The following RBFOX1 variants were observed in gnomAD, a reference collection of about 807,000 sequenced individuals.
RBFOX1 encodes RNA binding fox-1 homolog 1, also known as RNA binding protein fox-1 homolog 1.
In RBFOX1, 8 loss-of-function variants were observed where a neutral mutation model predicts 57.7. The ratio of observed to expected loss-of-function variants is 0.14; its 90% confidence interval spans 0.08 to 0.25. The LOEUF (loss-of-function observed/expected upper bound fraction) is 0.25, where lower values mean the gene tolerates loss of function less well. Ranked by LOEUF, RBFOX1 falls within the 10% of genes least tolerant of loss-of-function variation. The pLI is 1.00. For synonymous variants in RBFOX1, 326 were observed against 222.4 expected, an observed-to-expected ratio of 1.47 and a Z score of -4.15; for missense variants, 611 against 548.5, an observed-to-expected ratio of 1.11 and a Z score of -1.14.
At chr16:5,620,849 T>A (rs2048180224) in intron 3 of RBFOX1, among the ~76,000 whole-genome samples, 1 of 151,968 alleles carries the variant, frequency 6.6e-6, no homozygotes, top group Admixed American at 6.6e-5. Context: ...CAATTTTTAT[T>A]TGTATTTTTT....
intron 1 of RBFOX1, among the ~76,000 whole-genome samples, chr16:6,126,867 C>G (rs550553516): frequency 1.3e-5 from 2 of 152,148 alleles, no homozygotes; most frequent in Admixed American, 1.3e-4. Flanking sequence ...CTTACACTCT[C>G]CTGAGAAGCC....
intron 3 of RBFOX1, among the ~76,000 whole-genome samples, chr16:5,848,574 A>T (rs2056813483): frequency 6.6e-6 from 1 of 152,214 alleles, no homozygotes; most frequent in East Asian, 1.9e-4. Flanking sequence ...GTAACGGATG[A>T]GTAGTGATTG....
chr16:6,926,481 G>A (rs2075610569), intron 3 of RBFOX1, among the ~76,000 whole-genome samples: 1 of 152,156 alleles, frequency 6.6e-6, no homozygotes, highest in African/African-American at 2.4e-5. Flanking sequence ...TCAGTGGGTT[G>A]ATTAAGTTAA....
At chr16:6,553,868 C>T (rs745326869) in intron 2 of RBFOX1, among the ~76,000 whole-genome samples, 1 of 152,060 alleles carries the variant, frequency 6.6e-6, no homozygotes, top group East Asian at 1.9e-4. Flanking sequence ...AGTCCTTGGA[C>T]TTACCTTCCT....
At chr16:7,351,216 C>G (rs2097124718) in intron 4 of RBFOX1, among the ~76,000 whole-genome samples, 1 of 152,232 alleles carries the variant, frequency 6.6e-6, no homozygotes, top group Admixed American at 6.5e-5. Flanking sequence ...TCACTGTTAG[C>G]TGTGATCTTG....
Position 6,316,985 on chromosome 16 carries a change from T to A in RBFOX1, c.-126-10T>A. 6.8e-7 allele frequency: 1 copy of A among 1,465,898 alleles called. No individual in the cohort carries two copies. The highest frequency in any genetic ancestry group is 9.2e-7 in the Non-Finnish European group (1 of 1,092,508). The allele number at this position is 1,465,898 out of a possible 1,614,324, so 90.8% of individuals were successfully genotyped here. A position where few individuals can be genotyped will look rare whatever the true frequency, so the allele number is the denominator to read the frequency against. On this transcript the variant is annotated splice_polypyrimidine_tract_variant and intron_variant, in intron 1 of 15. Coordinates refer to ENST00000550418, the MANE Select transcript of RBFOX1 (RefSeq NM_018723.4). ...TTGATACTAAAGTCATTCCCCTTTTTCTTCTTTAGGAAACTGGTCAAAGAA... is the reference window on the plus strand; with the variant it reads ...TTGATACTAAAGTCATTCCCCTTTTACTTCTTTAGGAAACTGGTCAAAGAA...
intron 1 of RBFOX1, among the ~76,000 whole-genome samples, chr16:5,388,530 T>C (rs2066315618): frequency 6.6e-6 from 1 of 152,070 alleles, no homozygotes; most frequent in Admixed American, 6.5e-5. Context: ...GCCTGTGGTT[T>C]GCTGTGGCCA....
In RBFOX1 at chr16:6,973,669, C is replaced by G. The variant is rs147120479; in HGVS notation, c.-15-78388C>G. Among the ~76,000 whole-genome samples, 628 of 152,084 alleles carry G rather than the reference C, an allele frequency of 4.1e-3. 10 individuals are homozygous for G. Among genetic ancestry groups the G allele is most frequent in the African/African-American group, 0.015 (602 of 41,516 alleles). ...GCTGGACCATTGACTGAAAAATAAA[C>G]CCATTTGGGATTTTTCGAGTAAAGT... On this transcript the variant is annotated intron_variant, in intron 3 of 15. Transcript: ENST00000550418.
rs111620552 is a variant in RBFOX1, at chr16:7,100,131, A to G, written c.27+48033A>G. ...AATAAAGCTCTCTGGTGAAGGGAAC[A>G]AAAAAAAAAGCTTTAGAGAGGGATG... On this transcript the variant is annotated intron_variant, in intron 4 of 15. Coordinates refer to ENST00000550418, the MANE Select transcript of RBFOX1 (RefSeq NM_018723.4). 3.3e-3 allele frequency among the ~76,000 whole-genome samples: 466 copies of G among 140,204 alleles called. 3 individuals are homozygous for G. The highest frequency in any genetic ancestry group is 0.012 in the African/African-American group (448 of 36,742). 92.0% of individuals were successfully genotyped at this position (140,204 alleles called of 152,430 possible). A position where few individuals can be genotyped will look rare whatever the true frequency, so the allele number is the denominator to read the frequency against.
rs114154873 is a variant in RBFOX1 at position 5,813,752 on chromosome 16, C to T, written c.319-53551C>T. ...CTTAGCAGAGCTACTGGCATCAGCA[C>T]GTGCTTACTATTTGTTAGCTATTGA... is the stretch of plus-strand genomic sequence containing the variant. On this transcript the variant is annotated intron_variant, in intron 3 of 19. Coordinates refer to the RBFOX1 transcript ENST00000641259. Among the ~76,000 whole-genome samples the T allele has an allele frequency of 9.6e-3, 1,464 of 152,284 alleles. 15 individuals are homozygous for T. Among genetic ancestry groups the T allele is most frequent in the African/African-American group, 0.031 (1,297 of 41,540 alleles).
At chr16:6,907,486 A>G (rs2070332464) in intron 3 of RBFOX1, among the ~76,000 whole-genome samples, 1 of 152,226 alleles carries the variant, frequency 6.6e-6, no homozygotes, top group Admixed American at 6.5e-5. Context: ...TGAGATCAAG[A>G]TGCCAGCAGG....
rs368570215 is a variant in RBFOX1 at position 5,608,985 on chromosome 16, A to T, written c.318+10024A>T. 2.8e-4 allele frequency among the ~76,000 whole-genome samples: 43 copies of T among 152,314 alleles called. No individual in the cohort carries two copies. The South Asian group carries it at 8.9e-3, about 32-fold the overall frequency. ...CCCCCCATATCCATTTCGCCAATCC[A>T]TGCCAAATATTGATGTTTGATAACT... is the stretch of plus-strand genomic sequence containing the variant. On this transcript the variant is annotated intron_variant, in intron 3 of 19. Coordinates refer to the RBFOX1 transcript ENST00000641259.
At chr16:6,811,054 C>G (rs1452557053) in intron 3 of RBFOX1, among the ~76,000 whole-genome samples, 1 of 152,150 alleles carries the variant, frequency 6.6e-6, no homozygotes. Flanking sequence ...ATAAGATACC[C>G]CGAAAAACAC....
At chr16:6,498,678 T>C (rs2095839751) in intron 2 of RBFOX1, among the ~76,000 whole-genome samples, 1 of 152,248 alleles carries the variant, frequency 6.6e-6, no homozygotes, top group South Asian at 2.1e-4. Flanking sequence ...TTCTAAAGAA[T>C]GTGTGATCAC....
intron 3 of RBFOX1, among the ~76,000 whole-genome samples, chr16:6,831,352 G>A (rs1307590343): frequency 1.3e-5 from 2 of 152,080 alleles, no homozygotes; most frequent in East Asian, 1.9e-4. Context: ...TAGATGATAC[G>A]TATTTTCTAG....
At chr16:5,701,763 C>T (rs555710591) in intron 3 of RBFOX1, among the ~76,000 whole-genome samples, 1 of 152,132 alleles carries the variant, frequency 6.6e-6, no homozygotes, top group Non-Finnish European at 1.5e-5. Flanking sequence ...GACCATCTTA[C>T]CAGAGGCATT....
At chr16:5,706,327 A>C (rs1188890123) in intron 3 of RBFOX1, among the ~76,000 whole-genome samples, 1 of 152,182 alleles carries the variant, frequency 6.6e-6, no homozygotes, top group African/African-American at 2.4e-5. Context: ...TGTCTGGAAG[A>C]TGAGAGTGGA....
In RBFOX1 at chr16:7,102,941, A is replaced by G. The variant is rs371316333; in HGVS notation, c.27+50843A>G. ...AGTTTACTAAACCTTCACATGGAGTATAAATGATAAAATTGTGAGCTTGAG... is the reference window on the plus strand; with the variant it reads ...AGTTTACTAAACCTTCACATGGAGTGTAAATGATAAAATTGTGAGCTTGAG... On this transcript the variant is annotated intron_variant, in intron 4 of 15. Coordinates refer to ENST00000550418, the MANE Select transcript of RBFOX1 (RefSeq NM_018723.4). 7.2e-5 allele frequency among the ~76,000 whole-genome samples: 11 copies of G among 152,242 alleles called. No homozygotes were observed. In the East Asian group the frequency reaches 1.4e-3, roughly 19 times the overall value.
intron 3 of RBFOX1, among the ~76,000 whole-genome samples, chr16:6,841,150 C>G (rs1603631058): frequency 6.6e-6 from 1 of 151,968 alleles, no homozygotes; most frequent in South Asian, 2.1e-4. Flanking sequence ...TGGATATTAG[C>G]CTATGGCATT....
Sources: gnomAD v4.1 joint callset for allele counts (sites outside exome capture counted in the v4.1 genomes callset) on GRCh38, gnomAD v4.1.1 for gene constraint, MANE v1.5 for transcripts, NCBI Gene and HGNC (gene_info 2026-07-23, HGNC 2026-07-21) for gene names.